The following IL1RAPL2 variants were observed in gnomAD, a reference collection of about 807,000 sequenced individuals.
IL1RAPL2 encodes the protein interleukin 1 receptor accessory protein like 2, also known as X-linked interleukin-1 receptor accessory protein-like 2.
A neutral mutation model predicts 44.1 loss-of-function variants in IL1RAPL2; 3 were observed. The observed-to-expected ratio is 0.07, with a 90% confidence interval of 0.03 to 0.18. IL1RAPL2 has a LOEUF of 0.18. Ranked by LOEUF, IL1RAPL2 falls within the 10% of genes least tolerant of loss-of-function variation. IL1RAPL2 has a pLI of 1.00. For synonymous variants in IL1RAPL2, 181 were observed against 178.8 expected (o/e 1.01, Z -0.10); for missense variants, 391 against 496.4 (o/e 0.79, Z 2.02).
At chrX:105,167,673 A>G (rs1334662449) in intron 2 of IL1RAPL2, among the ~76,000 whole-genome samples, 1 of 86,257 alleles carries the variant, frequency 1.2e-5, no homozygotes, top group Non-Finnish European at 2.1e-5. Flanking sequence ...TTGCAGTAGA[A>G]GTGGCACAGC....
At chrX:104,835,830 A>G (rs749592321) in intron 2 of IL1RAPL2, among the ~76,000 whole-genome samples, 3 of 112,226 alleles carry the variant, frequency 2.7e-5, no homozygotes, top group Admixed American at 1.9e-4. Flanking sequence ...TCAAAACAAA[A>G]TAACTTTCTT....
intron 2 of IL1RAPL2, among the ~76,000 whole-genome samples, chrX:104,730,981 G>A (rs1310028999): frequency 2.7e-5 from 3 of 111,178 alleles, no homozygotes; most frequent in Non-Finnish European, 5.7e-5. Context: ...CAGTGATGAT[G>A]AGCATTTTTT....
intron 6 of IL1RAPL2, among the ~76,000 whole-genome samples, chrX:105,703,061 G>A (rs953223108): frequency 1.8e-5 from 2 of 111,598 alleles, no homozygotes; most frequent in African/African-American, 6.5e-5. Flanking sequence ...AATAATTCTG[G>A]AAAAGAAAGT....
At chrX:105,340,080 A>G (rs1024676874) in intron 5 of IL1RAPL2, among the ~76,000 whole-genome samples, 1 of 111,708 alleles carries the variant, frequency 9.0e-6, no homozygotes, top group African/African-American at 3.3e-5. Context: ...ATCTGTATCT[A>G]TCCAACTAGT....
intron 6 of IL1RAPL2, among the ~76,000 whole-genome samples, chrX:105,677,787 C>T (rs760756915): frequency 9.0e-6 from 1 of 111,370 alleles, no homozygotes; most frequent in Non-Finnish European, 1.9e-5. Flanking sequence ...ACCAAATGTA[C>T]CCTAGGGGGC....
At chrX:105,272,052 T>G (rs891418616) in intron 5 of IL1RAPL2, among the ~76,000 whole-genome samples, 2 of 102,727 alleles carry the variant, frequency 1.9e-5, no homozygotes, top group African/African-American at 7.2e-5. Context: ...AAACACCGCA[T>G]ATTCTCACTC....
intron 6 of IL1RAPL2, among the ~76,000 whole-genome samples, chrX:105,659,299 CAAGAT>C (rs1226986381): frequency 2.7e-5 from 3 of 110,714 alleles, no homozygotes; most frequent in Non-Finnish European, 1.9e-5. Flanking sequence ...TTTTTGAATC[CAAGAT>C]AACACAGAGA....
chrX:104,916,308 G>A (rs1186370803), intron 2 of IL1RAPL2, among the ~76,000 whole-genome samples: 10 of 111,513 alleles, frequency 9.0e-5, no homozygotes, highest in Non-Finnish European at 1.5e-4. Context: ...TGGATTCCTA[G>A]ATATTTTATT....
chrX:105,021,104 G>C (rs755779515), intron 2 of IL1RAPL2, among the ~76,000 whole-genome samples: 1 of 111,800 alleles, frequency 8.9e-6, no homozygotes, highest in African/African-American at 3.2e-5. Context: ...ATTATTTCCA[G>C]AGAATCCATG....
At chrX:105,182,552 G>A (rs1249422771) in intron 2 of IL1RAPL2, among the ~76,000 whole-genome samples, 2 of 71,261 alleles carry the variant, frequency 2.8e-5, no homozygotes, top group African/African-American at 1.2e-4. Flanking sequence ...TAGGCAGCAC[G>A]TAGTTGGGTC....
chrX:105,489,752 T>C (rs1164950066), intron 6 of IL1RAPL2, among the ~76,000 whole-genome samples: 7 of 99,072 alleles, frequency 7.1e-5, no homozygotes. Flanking sequence ...CTCTCTTTCT[T>C]TCTTTCTCTT....
At chrX:105,384,813 A>G (rs762273316) in intron 5 of IL1RAPL2, among the ~76,000 whole-genome samples, 22 of 110,942 alleles carry the variant, frequency 2.0e-4, no homozygotes, top group Middle Eastern at 4.6e-3. Flanking sequence ...TTCATTGTAA[A>G]GATCTTTCAC....
chrX:105,492,750 C>A (rs749350827), intron 6 of IL1RAPL2, among the ~76,000 whole-genome samples: 1 of 110,235 alleles, frequency 9.1e-6, no homozygotes, highest in African/African-American at 3.3e-5. Flanking sequence ...CAACTACTTG[C>A]CTCATTTTAA....
intron 6 of IL1RAPL2, among the ~76,000 whole-genome samples, chrX:105,524,854 C>G (rs1267253942): frequency 9.0e-6 from 1 of 110,839 alleles, no homozygotes; most frequent in African/African-American, 3.3e-5. Flanking sequence ...TCAGTTTTTT[C>G]ACCTGTAAAT....
At chrX:105,397,395 A>T (rs2035571913) in intron 5 of IL1RAPL2, among the ~76,000 whole-genome samples, 1 of 110,792 alleles carries the variant, frequency 9.0e-6, no homozygotes, top group African/African-American at 3.3e-5. Flanking sequence ...ACTTCAAGGA[A>T]GTTTTGAGAA....
chrX:104,865,359 G>T (rs1922589859), intron 2 of IL1RAPL2, among the ~76,000 whole-genome samples: 3 of 111,768 alleles, frequency 2.7e-5, no homozygotes, highest in African/African-American at 9.8e-5. Context: ...GTGAAGGATA[G>T]CTATATTATG....
rs1928899574 is a variant in IL1RAPL2, at chrX:104,602,311, CCA to C, written c.-20+35261_-20+35262del. Among the ~76,000 whole-genome samples, 3 of 111,760 alleles carry C rather than the reference CCA, an allele frequency of 2.7e-5. No individual in the cohort carries two copies. The Admixed American group carries it at 2.8e-4, about 11-fold the overall frequency. ...CTCTGGCCCAGATACTGCACTCATA[CCA>C]TGGTATTCACAACCCGCAAACCAGG... On this transcript the variant is annotated intron_variant, in intron 1 of 10. Coordinates refer to ENST00000372582, the MANE Select transcript of IL1RAPL2 (RefSeq NM_017416.2).
chrX:105,648,621 C>T (rs760261456), intron 6 of IL1RAPL2, among the ~76,000 whole-genome samples: 6 of 111,758 alleles, frequency 5.4e-5, no homozygotes, highest in African/African-American at 1.3e-4. Flanking sequence ...GATTCTCCTT[C>T]CCTCAGGGCT....
chrX:105,325,576 T>TATATATATATAC lies in IL1RAPL2; in HGVS notation c.697+58036_697+58037insTATATATATACA, dbSNP rs61264130. On this transcript the variant is annotated intron_variant, in intron 5 of 10. Coordinates refer to ENST00000372582, the MANE Select transcript of IL1RAPL2 (RefSeq NM_017416.2). ...ATATATATATATATATATATATATA[T>TATATATATATAC]ACACATATGTATATATGTATGTGGA... 7.2e-4 allele frequency among the ~76,000 whole-genome samples: 67 copies of TATATATATATAC among 93,679 alleles called. 1 individual carries two copies. The highest frequency in any genetic ancestry group is 2.4e-3 in the African/African-American group (59 of 24,217). The allele number at this position is 93,679 out of a possible 115,157, so 81.3% of individuals were successfully genotyped here. A position where few individuals can be genotyped will look rare whatever the true frequency, so the allele number is the denominator to read the frequency against.
Sources: gnomAD v4.1 joint callset for allele counts (sites outside exome capture counted in the v4.1 genomes callset) on GRCh38, gnomAD v4.1.1 for gene constraint, MANE v1.5 for transcripts, NCBI Gene and HGNC (gene_info 2026-07-23, HGNC 2026-07-21) for gene names.